Variants in INPP4B observed in about 807,000 individuals in gnomAD.
INPP4B encodes inositol polyphosphate-4-phosphatase type II B.
A neutral mutation model predicts 122.5 loss-of-function variants in INPP4B; 55 were observed. The observed-to-expected ratio is 0.45, with a 90% CI of 0.36 to 0.56. The LOEUF is 0.56. INPP4B is among the 20% of genes least tolerant of loss of function. The probability of loss-of-function intolerance (pLI) is 0.00; values close to 1 mark genes in which losing one functional copy is unlikely to be tolerated. For synonymous variants in INPP4B, 403 were observed against 388.7 expected, an observed-to-expected ratio of 1.04 and a Z score of -0.43; for missense variants, 1,000 against 1,097.7, an observed-to-expected ratio of 0.91 and a Z score of 1.26.
chr4:142,626,987 C>T (rs1746582700), intron 2 of INPP4B, among the ~76,000 whole-genome samples: 1 of 151,948 alleles, frequency 6.6e-6, no homozygotes, highest in African/African-American at 2.4e-5. Flanking sequence ...AAGGATCCTG[C>T]TTGGGAGACT....
intron 18 of INPP4B, among the ~76,000 whole-genome samples, chr4:142,129,567 A>G (rs1236116185): frequency 6.6e-6 from 1 of 152,164 alleles, no homozygotes; most frequent in Non-Finnish European, 1.5e-5. Context: ...GGAGGCCTCT[A>G]AATACCTGGA....
intron 25 of INPP4B, among the ~76,000 whole-genome samples, chr4:142,072,817 C>T (rs888199262): frequency 6.6e-6 from 1 of 152,032 alleles, no homozygotes; most frequent in African/African-American, 2.4e-5. Context: ...ATTATCACTA[C>T]AATATAAGTT....
chr4:142,781,750 G>A (rs761821300), intron 1 of INPP4B, among the ~76,000 whole-genome samples: 15 of 152,084 alleles, frequency 9.9e-5, no homozygotes, highest in Non-Finnish European at 2.1e-4. Flanking sequence ...TAAGGTGTGT[G>A]CCACTGATAC....
chr4:142,703,916 C>T (rs1762136965), intron 2 of INPP4B, among the ~76,000 whole-genome samples: 1 of 152,152 alleles, frequency 6.6e-6, no homozygotes, highest in African/African-American at 2.4e-5. Flanking sequence ...ACATTACCTT[C>T]AAAGTGTGGA....
At chr4:142,107,418 T>C (rs1447100685) in intron 23 of INPP4B, among the ~76,000 whole-genome samples, 2 of 152,174 alleles carry the variant, frequency 1.3e-5, no homozygotes, top group Non-Finnish European at 2.9e-5. Flanking sequence ...TCTCAACATA[T>C]TTATACTATT....
intron 2 of INPP4B, among the ~76,000 whole-genome samples, chr4:142,467,479 T>C (rs1334768741): frequency 3.9e-5 from 6 of 152,194 alleles, no homozygotes; most frequent in Non-Finnish European, 8.8e-5. Flanking sequence ...GGAATGAGAA[T>C]GTTTACCCAA....
chr4:142,292,164 C>G (rs1289897545), intron 9 of INPP4B, among the ~76,000 whole-genome samples: 1 of 152,090 alleles, frequency 6.6e-6, no homozygotes, highest in Admixed American at 6.5e-5. Context: ...ATAGGAGATC[C>G]TTTTCTTTAA....
chr4:142,468,322 C>A (rs1342940051), intron 2 of INPP4B, among the ~76,000 whole-genome samples: 2 of 152,038 alleles, frequency 1.3e-5, no homozygotes, highest in Non-Finnish European at 2.9e-5. Flanking sequence ...GTTAAGGGCC[C>A]ACATCAGTGA....
At chr4:142,775,366 T>C (rs1773696121) in intron 1 of INPP4B, among the ~76,000 whole-genome samples, 1 of 152,186 alleles carries the variant, frequency 6.6e-6, no homozygotes, top group African/African-American at 2.4e-5. Flanking sequence ...ATATTTAGAA[T>C]TCATTTGCAT....
intron 7 of INPP4B, among the ~76,000 whole-genome samples, chr4:142,328,996 C>T (rs896920481): frequency 1.3e-5 from 2 of 152,182 alleles, no homozygotes; most frequent in African/African-American, 2.4e-5. Flanking sequence ...ACCACTAAGA[C>T]TCCCTGAACT....
intron 15 of INPP4B, among the ~76,000 whole-genome samples, chr4:142,191,734 G>A (rs1429286348): frequency 6.6e-6 from 1 of 151,906 alleles, no homozygotes; most frequent in African/African-American, 2.4e-5. Flanking sequence ...AATAGTGATG[G>A]TTATTCTAAT....
chr4:142,234,688 T>G (rs754193185), intron 12 of INPP4B, among the ~76,000 whole-genome samples: 3 of 152,144 alleles, frequency 2.0e-5, no homozygotes, highest in Non-Finnish European at 4.4e-5. Context: ...CCTGGTGAAT[T>G]TTTGGAATCT....
intron 2 of INPP4B, among the ~76,000 whole-genome samples, chr4:142,545,766 T>G (rs1829534552): frequency 6.9e-6 from 1 of 145,468 alleles, no homozygotes; most frequent in Non-Finnish European, 1.5e-5. Flanking sequence ...CATGTATATG[T>G]GTGTATATAT....
At chr4:142,254,352 G>T (rs1734411141) in intron 11 of INPP4B, among the ~76,000 whole-genome samples, 1 of 124,008 alleles carries the variant, frequency 8.1e-6, no homozygotes, top group African/African-American at 2.7e-5. Context: ...AAGCTGGATG[G>T]AGAATGACTT....
chr4:142,657,299 G>T (rs1402929289), intron 2 of INPP4B, among the ~76,000 whole-genome samples: 5 of 152,150 alleles, frequency 3.3e-5, no homozygotes, highest in Admixed American at 1.3e-4. Flanking sequence ...TAAAATTCAG[G>T]TCAGATGCAA....
At chr4:142,591,518 A>G (rs1737484344) in intron 2 of INPP4B, among the ~76,000 whole-genome samples, 1 of 152,196 alleles carries the variant, frequency 6.6e-6, no homozygotes, top group Non-Finnish European at 1.5e-5. Context: ...AAGAATTCCA[A>G]ATAATGTTTG....
chr4:142,119,148 A>G (rs1795286610), intron 21 of INPP4B, among the ~76,000 whole-genome samples: 1 of 152,180 alleles, frequency 6.6e-6, no homozygotes, highest in Non-Finnish European at 1.5e-5. Flanking sequence ...AGGAAACAAC[A>G]GGTGCTGGAG....
chr4:142,703,184 T>C (rs1282214592), intron 2 of INPP4B, among the ~76,000 whole-genome samples: 1 of 152,224 alleles, frequency 6.6e-6, no homozygotes, highest in Non-Finnish European at 1.5e-5. Flanking sequence ...TTTTATCCAT[T>C]AGTTAATGTA....
chr4:142,463,814 T>G (rs895913162), intron 2 of INPP4B, among the ~76,000 whole-genome samples: 23 of 152,172 alleles, frequency 1.5e-4, no homozygotes, highest in Non-Finnish European at 3.1e-4. Flanking sequence ...AGGACATGTT[T>G]GCTTCCCCTT....
Sources: gnomAD v4.1 joint callset for allele counts (sites outside exome capture counted in the v4.1 genomes callset) on GRCh38, gnomAD v4.1.1 for gene constraint, MANE v1.5 for transcripts, NCBI Gene and HGNC (gene_info 2026-07-23, HGNC 2026-07-21) for gene names.